Variants in MAPKAP1 observed in about 807,000 individuals in gnomAD.
The protein encoded by MAPKAP1 is MAPK associated protein 1.
A neutral mutation model predicts 65.7 loss-of-function variants in MAPKAP1; 20 were observed. The observed-to-expected ratio is 0.30, with a 90% CI of 0.21 to 0.44. The LOEUF is 0.44. Among genes scored for constraint, MAPKAP1 ranks in the 20% least tolerant of loss-of-function variants. The probability of loss-of-function intolerance (pLI) is 1.00; values close to 1 mark genes in which losing one functional copy is unlikely to be tolerated. For synonymous variants in MAPKAP1, 222 were observed against 244.3 expected, an observed-to-expected ratio of 0.91 and a Z score of 0.85; for missense variants, 423 against 648.0, an observed-to-expected ratio of 0.65 and a Z score of 3.77.
At chr9:125,561,116 C>A (rs1443774755) in intron 5 of MAPKAP1, among the ~76,000 whole-genome samples, 1 of 152,146 alleles carries the variant, frequency 6.6e-6, no homozygotes, top group Non-Finnish European at 1.5e-5. Flanking sequence ...TAATTAATTG[C>A]AAAGTGTATG....
At chr9:125,526,927 C>A (rs1271265143) in intron 7 of MAPKAP1, among the ~76,000 whole-genome samples, 6 of 151,970 alleles carry the variant, frequency 3.9e-5, no homozygotes, top group Non-Finnish European at 8.8e-5. Context: ...GCGTGTGCCA[C>A]CACGCCCAGC....
intron 4 of MAPKAP1, among the ~76,000 whole-genome samples, chr9:125,630,918 G>A (rs1833261653): frequency 6.6e-6 from 1 of 151,812 alleles, no homozygotes; most frequent in African/African-American, 2.4e-5. Context: ...AAAGGGAGAC[G>A]CCATCTCTAC....
intron 3 of MAPKAP1, among the ~76,000 whole-genome samples, chr9:125,669,532 A>G (rs1834438248): frequency 6.6e-6 from 1 of 152,138 alleles, no homozygotes; most frequent in African/African-American, 2.4e-5. Context: ...CTTGGCCTAT[A>G]TTTTTTTAAA....
intron 8 of MAPKAP1, among the ~76,000 whole-genome samples, chr9:125,499,516 C>T (rs992643926): frequency 6.6e-6 from 1 of 152,064 alleles, no homozygotes; most frequent in African/African-American, 2.4e-5. Flanking sequence ...TGACTCAGAG[C>T]GTCAAAAAGT....
chr9:125,620,582 T>C lies in MAPKAP1; in HGVS notation c.499-34855A>G, dbSNP rs186758547. 2.7e-3 allele frequency among the ~76,000 whole-genome samples: 418 copies of C among 152,294 alleles called. 2 individuals carry two copies. The highest frequency in any genetic ancestry group is 6.8e-3 in the South Asian group (33 of 4,822). On this transcript the variant is annotated intron_variant, in intron 4 of 11. Transcript: ENST00000265960. ...TTATTCACCACAGCGTTGTTTGTAA[T>C]AGTAAAAGATTAGAAACAAGTCAAG...
In MAPKAP1 at chr9:125,437,607, C is replaced by T. The variant is rs1488569012; in HGVS notation, c.*1280G>A. On this transcript the variant is annotated 3_prime_UTR_variant, in exon 12 of 12. Transcript: ENST00000265960. ...GAAAAGGACGCTCCTGTTGGCTGAA[C>T]AAAGATCAGAATGAAAGAAGAATTC... is the stretch of plus-strand genomic sequence containing the variant. 6.6e-6 allele frequency: 1 copy of T among 152,514 alleles called. No homozygotes were observed. The highest frequency in any genetic ancestry group is 1.5e-5 in the Non-Finnish European group (1 of 68,014). 9.4% of individuals were successfully genotyped at this position (152,514 alleles called of 1,614,324 possible). A position where few individuals can be genotyped will look rare whatever the true frequency, so the allele number is the denominator to read the frequency against.
chr9:125,681,152 A>G (rs1834810208), intron 1 of MAPKAP1, among the ~76,000 whole-genome samples: 1 of 152,236 alleles, frequency 6.6e-6, no homozygotes, highest in South Asian at 2.1e-4. Context: ...TTTTAAGACC[A>G]CAATTTTTGA....
At position 125,639,427 on chromosome 9, in the gene MAPKAP1, T is replaced by C. The variant is rs572886063; in HGVS notation, c.498+18224A>G. Among the ~76,000 whole-genome samples the C allele has an allele frequency of 6.6e-5, 10 of 152,356 alleles. No individual in the cohort carries two copies. The South Asian group carries it at 2.1e-3, about 32-fold the overall frequency. ...TCTCCTCACAAGGCTGTTTTGAGAA[T>C]TAATCAATGCATGCAAAGCACTCAG... is the stretch of plus-strand genomic sequence containing the variant. On this transcript the variant is annotated intron_variant, in intron 4 of 11. Coordinates refer to ENST00000265960, the MANE Select transcript of MAPKAP1 (RefSeq NM_001006617.3).
At chr9:125,619,185 G>C (rs1440669356) in intron 4 of MAPKAP1, among the ~76,000 whole-genome samples, 7 of 152,060 alleles carry the variant, frequency 4.6e-5, no homozygotes, top group Admixed American at 4.6e-4. Flanking sequence ...GTATAAACAT[G>C]GGCTAGTCAC....
intron 4 of MAPKAP1, among the ~76,000 whole-genome samples, chr9:125,615,458 C>T (rs1333222246): frequency 6.7e-6 from 1 of 150,100 alleles, no homozygotes; most frequent in Non-Finnish European, 1.5e-5. Flanking sequence ...TTTGGAAGGC[C>T]GAGGTGGGTG....
chr9:125,519,652 T>A (rs908143715), intron 7 of MAPKAP1, among the ~76,000 whole-genome samples: 11 of 141,710 alleles, frequency 7.8e-5, no homozygotes, highest in Admixed American at 4.4e-4. Context: ...TATATGTCTT[T>A]TATATATATA....
chr9:125,693,411 C>T (rs929470056), intron 1 of MAPKAP1, among the ~76,000 whole-genome samples: 2 of 110,064 alleles, frequency 1.8e-5, no homozygotes, highest in African/African-American at 4.2e-5. Context: ...CGAAATTCCG[C>T]CTCAAAAAAA....
chr9:125,659,426 C>T (rs1243138332), intron 3 of MAPKAP1, among the ~76,000 whole-genome samples: 1 of 152,182 alleles, frequency 6.6e-6, no homozygotes, highest in African/African-American at 2.4e-5. Flanking sequence ...CCTCTCTCCT[C>T]AACCTAACAC....
chr9:125,620,736 T>G (rs1479530797), intron 4 of MAPKAP1, among the ~76,000 whole-genome samples: 1 of 152,062 alleles, frequency 6.6e-6, no homozygotes, highest in Non-Finnish European at 1.5e-5. Flanking sequence ...CATTGTTACA[T>G]GAAAAAAGCA....
intron 9 of MAPKAP1, among the ~76,000 whole-genome samples, chr9:125,473,761 ACAC>A (rs1854009223): frequency 6.6e-6 from 1 of 152,180 alleles, no homozygotes; most frequent in Non-Finnish European, 1.5e-5. Context: ...AGAGCTTAGA[ACAC>A]CTCTAATCAG....
intron 1 of MAPKAP1, among the ~76,000 whole-genome samples, chr9:125,702,713 G>GT (rs1835638459): frequency 6.6e-6 from 1 of 151,698 alleles, no homozygotes; most frequent in East Asian, 1.9e-4. Flanking sequence ...TTAGCTGGGC[G>GT]TGGTGATGGG....
chr9:125,673,490 T>G (rs1022069229), intron 1 of MAPKAP1, among the ~76,000 whole-genome samples: 1 of 152,156 alleles, frequency 6.6e-6, no homozygotes, highest in Non-Finnish European at 1.5e-5. Flanking sequence ...CCTCCCAAAG[T>G]GCTGTGATTA....
At chr9:125,483,574 G>A (rs1365232579) in intron 9 of MAPKAP1, among the ~76,000 whole-genome samples, 1 of 152,240 alleles carries the variant, frequency 6.6e-6, no homozygotes, top group Non-Finnish European at 1.5e-5. Context: ...TCAGCTCCCT[G>A]ACTGGGTGAG....
intron 9 of MAPKAP1, among the ~76,000 whole-genome samples, chr9:125,473,027 G>C (rs1285919819): frequency 6.6e-6 from 1 of 151,872 alleles, no homozygotes; most frequent in Admixed American, 6.6e-5. Flanking sequence ...TGATAATGGT[G>C]AAGTGATCCT....
Sources: allele counts gnomAD v4.1 joint callset (sites outside exome capture counted in the v4.1 genomes callset), GRCh38; gene constraint gnomAD v4.1.1; transcripts MANE v1.5; gene names NCBI Gene and HGNC (gene_info 2026-07-23, HGNC 2026-07-21).